SETD7: variants seen among roughly 807,000 people sequenced by gnomAD.
The protein encoded by SETD7 is histone-lysine N-methyltransferase SETD7.
Under a neutral mutation model 41.8 loss-of-function variants are expected in SETD7, and 16 were observed. The observed-to-expected ratio is 0.38, with a 90% CI of 0.26 to 0.58. The LOEUF (loss-of-function observed/expected upper bound fraction) is 0.58. Ranked by LOEUF, SETD7 falls within the 20% of genes least tolerant of loss-of-function variation. The pLI, the probability that SETD7 is intolerant of heterozygous loss-of-function variation, is 0.64. For missense variants in SETD7, 346 were observed against 459.7 expected (o/e 0.75, Z 2.26); for synonymous variants, 163 against 169.7 (o/e 0.96, Z 0.31).
chr4:139,556,142 G>A lies in SETD7; in HGVS notation c.-5C>T. On this transcript the variant is annotated 5_prime_UTR_variant, in exon 1 of 8. Transcript: ENST00000274031. ...CATCTCGTCGTCGCTATCCATGGCG[G>A]CTGGGGACACTGCCCAGCTCGGGGC... 1 of 1,596,156 alleles carries A rather than the reference G, an allele frequency of 6.3e-7. No homozygotes were observed. Among genetic ancestry groups the A allele is most frequent in the Non-Finnish European group, 8.5e-7 (1 of 1,172,022 alleles).
downstream of SETD7, among the ~76,000 whole-genome samples, chr4:139,493,255 C>T (rs1209357632): frequency 2.6e-5 from 4 of 152,066 alleles, no homozygotes; most frequent in Non-Finnish European, 4.4e-5. Flanking sequence ...CTGATGAGGG[C>T]GGTGTGAGTC....
Position 139,540,405 on chromosome 4 carries a change from G to T in SETD7, c.170+6515C>A, listed in dbSNP as rs185143864. On this transcript the variant is annotated intron_variant, in intron 2 of 7. Transcript: ENST00000274031. The stretch of plus-strand genomic sequence containing the variant: ...CTTCAAGGAAAATTAAAGAATGGAA[G>T]AAAGGCAGTCAGGCCCACAGCTATT... Among the ~76,000 whole-genome samples the T allele has an allele frequency of 3.3e-5, 5 of 152,336 alleles. No homozygotes were observed. In the East Asian group the frequency reaches 7.7e-4, roughly 23 times the overall value.
rs750292625 is a variant in SETD7 at position 139,523,422 on chromosome 4, G to A, written c.576C>T (p.His192=). 6.2e-7 allele frequency: 1 copy of A among 1,612,588 alleles called. No individual in the cohort carries two copies. The part of the protein sequence containing the change: ...FELMPGNSVY[H]FDKSTSSCIS... ...TGCAAGATGAAGTCGACTTATCAAA[G>A]TGGTACACTGAATCTGAAAAGCAAA... Residue 192 remains histidine, a synonymous_variant, in exon 5 of 8, where the codon CAC becomes CAT. Coordinates refer to ENST00000274031, the MANE Select transcript of SETD7 (RefSeq NM_030648.4).
intron 5 of SETD7, among the ~76,000 whole-genome samples, chr4:139,521,899 C>G (rs1226950339): frequency 6.6e-6 from 1 of 152,228 alleles, no homozygotes; most frequent in African/African-American, 2.4e-5. Context: ...CAACTTGAAA[C>G]CTGGAGTCCA....
intron 7 of SETD7, among the ~76,000 whole-genome samples, chr4:139,513,693 A>T (rs144355316): frequency 2.0e-5 from 3 of 152,314 alleles, no homozygotes; most frequent in African/African-American, 7.2e-5. Context: ...TCCTCTTGGA[A>T]AGTTCACCTT....
chr4:139,515,161 C>T (rs1364284537), intron 7 of SETD7, among the ~76,000 whole-genome samples: 8 of 61,538 alleles, frequency 1.3e-4, no homozygotes, highest in Admixed American at 5.2e-4. Context: ...GAGCAAAACT[C>T]CACCTCAAAA....
At chr4:139,521,990 A>C (rs1727190040) in intron 5 of SETD7, among the ~76,000 whole-genome samples, 1 of 152,250 alleles carries the variant, frequency 6.6e-6, no homozygotes, top group Non-Finnish European at 1.5e-5. Flanking sequence ...GTGTAAAACA[A>C]AATGTTTGAT....
chr4:139,533,965 C>CTATG (rs151148025), intron 2 of SETD7, among the ~76,000 whole-genome samples: 17,743 of 148,442 alleles, frequency 0.12, 1,309 homozygotes, highest in Non-Finnish European at 0.17. Context: ...ATCTATATAT[C>CTATG]TATGTATGTA....
At chr4:139,554,426 G>T (rs1198013157) in intron 1 of SETD7, among the ~76,000 whole-genome samples, 2 of 152,198 alleles carry the variant, frequency 1.3e-5, no homozygotes, top group African/African-American at 2.4e-5. Flanking sequence ...TTAAGGGTTT[G>T]TATTTAATTT....
intron 4 of SETD7, 38 bp from the exon 5 acceptor site, chr4:139,523,473 T>C (rs960255009): frequency 4.8e-6 from 7 of 1,446,174 alleles, no homozygotes; most frequent in Admixed American, 1.7e-5. Flanking sequence ...AGGTGCAGAG[T>C]TAGGGAAGAG....
At chr4:139,532,106 G>A (rs1157784004) in intron 3 of SETD7, among the ~76,000 whole-genome samples, 1 of 151,820 alleles carries the variant, frequency 6.6e-6, no homozygotes, top group African/African-American at 2.4e-5. Context: ...AACAAAAAAA[G>A]AGTATTTTGA....
At chr4:139,536,814 C>A (rs1727651778) in intron 2 of SETD7, among the ~76,000 whole-genome samples, 1 of 152,008 alleles carries the variant, frequency 6.6e-6, no homozygotes, top group African/African-American at 2.4e-5. Flanking sequence ...ACTAGCCTGG[C>A]CAACATGGTG....
At chr4:139,545,098 G>A (rs572172111) in intron 2 of SETD7, among the ~76,000 whole-genome samples, 1 of 152,146 alleles carries the variant, frequency 6.6e-6, no homozygotes, top group East Asian at 1.9e-4. Context: ...AGAAAAAAGA[G>A]CTATAAAAAA....
At position 139,509,927 on chromosome 4, in the gene SETD7, C is replaced by G; in HGVS notation, c.*1736G>C. ...TCTCCCTGAAACCACTGCCACCTAG[C>G]TGCAAAGCATGCAACCGGGTGCTCT... On this transcript the variant is annotated 3_prime_UTR_variant, in exon 8 of 8. Coordinates refer to ENST00000274031, the MANE Select transcript of SETD7 (RefSeq NM_030648.4). 5.1e-6 allele frequency: 5 copies of G among 980,288 alleles called. No individual in the cohort carries two copies. The highest frequency in any genetic ancestry group is 6.1e-6 in the Non-Finnish European group (5 of 825,288). The allele number at this position is 980,288 out of a possible 1,614,324, so 60.7% of individuals were successfully genotyped here. A position where few individuals can be genotyped will look rare whatever the true frequency, so the allele number is the denominator to read the frequency against.
In SETD7 at chr4:139,510,816, TTCTTC is replaced by T. The variant is rs1175993866; in HGVS notation, c.*842_*846del. The T allele has an allele frequency of 6.6e-6, 1 of 152,656 alleles. No individual in the cohort carries two copies. The highest frequency in any genetic ancestry group is 6.5e-5 in the Admixed American group (1 of 15,276). The allele number at this position is 152,656 out of a possible 1,614,324, so 9.5% of individuals were successfully genotyped here. On this transcript the variant is annotated 3_prime_UTR_variant, in exon 8 of 8. Coordinates refer to ENST00000274031, the MANE Select transcript of SETD7 (RefSeq NM_030648.4). ...TAGTTACCGCTTAGAGATACTAGTT[TTCTTC>T]TCTTCTTTCTTAAAGTATATATTAC...
downstream of SETD7, among the ~76,000 whole-genome samples, chr4:139,504,038 C>T (rs777728297): frequency 1.6e-3 from 239 of 152,268 alleles, no homozygotes; most frequent in Non-Finnish European, 1.3e-3. Flanking sequence ...CTGAGAAAGG[C>T]AGAGTGGAAA....
chr4:139,551,341 C>T (rs148166165), intron 1 of SETD7, among the ~76,000 whole-genome samples: 1 of 152,270 alleles, frequency 6.6e-6, no homozygotes, highest in African/African-American at 2.4e-5. Context: ...GTTGCCGGAG[C>T]TAATGTTCTG....
intron 4 of SETD7, among the ~76,000 whole-genome samples, chr4:139,526,626 T>C (rs1221721591): frequency 2.0e-5 from 3 of 152,114 alleles, no homozygotes; most frequent in Non-Finnish European, 4.4e-5. Context: ...ATAACAACTT[T>C]CATTACAGTG....
Position 139,555,749 on chromosome 4 carries a change from G to A in SETD7, c.40+349C>T, listed in dbSNP as rs1334783360. On this transcript the variant is annotated intron_variant, in intron 1 of 7. Transcript: ENST00000274031. The surrounding 1 kb of genome is among the most constrained non-coding windows in gnomAD (Gnocchi z 4.0). ...GCCGGCCTCAAGGGGCTGCCCTGCG[G>A]AGTGCACCCACCCTCCGCGCCCAAA... is the stretch of plus-strand genomic sequence containing the variant. Among the ~76,000 whole-genome samples the A allele has an allele frequency of 6.6e-6, 1 of 152,172 alleles. No individual in the cohort carries two copies. The highest frequency in any genetic ancestry group is 1.5e-5 in the Non-Finnish European group (1 of 68,002).
Sources: gnomAD v4.1 joint callset for allele counts (sites outside exome capture counted in the v4.1 genomes callset) on GRCh38, gnomAD v4.1.1 for gene constraint, Gnocchi (gnomAD v3.1) non-coding constraint, MANE v1.5 for transcripts, NCBI Gene and HGNC (gene_info 2026-07-23, HGNC 2026-07-21) for gene names.